GREB1: variants seen among roughly 807,000 people sequenced by gnomAD.
GREB1 encodes protein GREB1.
GREB1 carries 106 observed loss-of-function variants against 200.7 expected under a neutral mutation model. The observed-to-expected ratio is 0.53, with a 90% confidence interval of 0.45 to 0.62. GREB1 has a LOEUF of 0.62. GREB1 is among the 20% of genes least tolerant of loss of function. The pLI is 0.00. For synonymous variants in GREB1, 1,132 were observed against 1,092.4 expected (o/e 1.04, Z -0.72); for missense variants, 2,243 against 2,556.8 (o/e 0.88, Z 2.65).
intron 9 of GREB1, chr2:11,587,436 C>G: frequency 1.9e-6 from 3 of 1,613,874 alleles, no homozygotes; most frequent in Non-Finnish European, 2.5e-6. Flanking sequence ...GAACCTGCAT[C>G]GCCCCGGAGC....
upstream of GREB1, among the ~76,000 whole-genome samples, chr2:11,531,173 A>G (rs975214249): frequency 1.3e-5 from 2 of 152,066 alleles, no homozygotes; most frequent in African/African-American, 4.8e-5. Flanking sequence ...ATTTGCTTCT[A>G]TTTAGCTCCC....
chr2:11,525,904 T>G (rs912892001), intron 1 of GREB1, among the ~76,000 whole-genome samples: 6 of 152,310 alleles, frequency 3.9e-5, no homozygotes, highest in Admixed American at 3.9e-4. Flanking sequence ...GATCCTTTGT[T>G]GTAAAGCTTT....
At chr2:11,636,554 C>T (rs897454216) in intron 30 of GREB1, among the ~76,000 whole-genome samples, 1 of 152,216 alleles carries the variant, frequency 6.6e-6, no homozygotes, top group Non-Finnish European at 1.5e-5. Context: ...AGTACCCAGC[C>T]CAGCAGCTGG....
At chr2:11,518,209 C>T (rs773230237) in intron 1 of GREB1, among the ~76,000 whole-genome samples, 4 of 152,074 alleles carry the variant, frequency 2.6e-5, no homozygotes, top group African/African-American at 4.8e-5. Context: ...AGTTGTTTGA[C>T]GTCAAGGTCA....
intron 1 of GREB1, among the ~76,000 whole-genome samples, chr2:11,519,471 T>TC (rs1187377795): frequency 6.7e-6 from 1 of 149,196 alleles, no homozygotes; most frequent in South Asian, 2.2e-4. Flanking sequence ...TTTTTTTTTT[T>TC]TGAGGCAGAG....
chr2:11,634,105 G>A (rs761622069), intron 28 of GREB1, 26 bp from the exon 29 acceptor site: 2 of 1,604,334 alleles, frequency 1.2e-6, no homozygotes, highest in Admixed American at 1.7e-5. Flanking sequence ...GTCAGCCTAG[G>A]GACTCACTCT....
intron 4 of GREB1, 49 bp downstream of exon 4, chr2:11,566,705 G>T: frequency 6.5e-7 from 1 of 1,542,104 alleles, no homozygotes; most frequent in African/African-American, 1.4e-5. Context: ...ATGGGGTAGA[G>T]CAGGGTCAAG....
intron 9 of GREB1, chr2:11,587,300 C>A: frequency 9.7e-7 from 1 of 1,033,440 alleles, no homozygotes; most frequent in South Asian, 1.3e-5. Flanking sequence ...CCCCCCTTGT[C>A]ACTTCTCTGT....
chr2:11,516,862 G>A (rs1461710360), intron 1 of GREB1, among the ~76,000 whole-genome samples: 1 of 152,246 alleles, frequency 6.6e-6, no homozygotes, highest in African/African-American at 2.4e-5. Flanking sequence ...GGAAGGAGGA[G>A]CAGCTTCTGT....
chr2:11,576,982 C>T (rs1678925315), intron 5 of GREB1, among the ~76,000 whole-genome samples: 1 of 152,060 alleles, frequency 6.6e-6, no homozygotes, highest in African/African-American at 2.4e-5. Context: ...TTGCAGTGAG[C>T]TGAGATGGTG....
intron 24 of GREB1, 139 bp downstream of exon 24, chr2:11,625,451 A>C: frequency 1.3e-6 from 1 of 754,892 alleles, no homozygotes; most frequent in East Asian, 2.5e-5. Context: ...TGAGGTCACC[A>C]CCTCCCTGTA....
intron 32 of GREB1, among the ~76,000 whole-genome samples, chr2:11,639,910 G>C (rs944787803): frequency 1.3e-5 from 2 of 152,100 alleles, no homozygotes; most frequent in African/African-American, 4.8e-5. Flanking sequence ...CCCCAGGCCT[G>C]GATGGGTGGC....
intron 1 of GREB1, among the ~76,000 whole-genome samples, chr2:11,510,648 G>C (rs891291564): frequency 6.7e-6 from 1 of 149,680 alleles, no homozygotes; most frequent in East Asian, 2.0e-4. Context: ...CTGACCCAGT[G>C]TTAGTTTCTT....
chr2:11,515,957 GAA>G (rs1673484432), intron 1 of GREB1, among the ~76,000 whole-genome samples: 1 of 152,212 alleles, frequency 6.6e-6, no homozygotes, highest in Admixed American at 6.5e-5. Flanking sequence ...GCATGCCGCA[GAA>G]ACACAACCAG....
chr2:11,566,573 C>A lies in GREB1; in HGVS notation c.371C>A (p.Ser124Tyr), dbSNP rs758203869. The A allele has an allele frequency of 6.2e-7, 1 of 1,613,966 alleles. No homozygotes were observed. ...GGCTTTCTCCTCGTGGGGGTCAAGTCCCCCAGCCTGCCGGACCATCTCCTG... is the reference window on the plus strand; with the variant it reads ...GGCTTTCTCCTCGTGGGGGTCAAGTACCCCAGCCTGCCGGACCATCTCCTG... The part of the protein sequence containing the change: ...PAGFLLVGVK[S>Y]PSLPDHLLVC... Residue 124 changes from serine to tyrosine, a missense_variant, in exon 4 of 33, where the codon TCC becomes TAC. By Grantham distance (144) the Ser-to-Tyr change is moderately radical. This residue lies in a region of GREB1 where 1,178 missense variants were observed against 1,387.4 expected (regional missense o/e 0.85). Coordinates refer to ENST00000381486, the MANE Select transcript of GREB1 (RefSeq NM_014668.4).
chr2:11,625,306 A>G lies in GREB1; in HGVS notation c.4300A>G (p.Ser1434Gly). The G allele has an allele frequency of 3.1e-6, 5 of 1,614,064 alleles. No individual in the cohort carries two copies. The highest frequency in any genetic ancestry group is 4.2e-6 in the Non-Finnish European group (5 of 1,179,926). ...TTGTTCGCACTATCAGGGTATAAAG[A>G]GTGAAGGTCAGACTTTGAATCTCTC... The part of the protein sequence containing the change: ...LICSHYQGIK[S>G]EDRGMSRKPE... The change falls in exon 24 of 33, where the codon AGT becomes GGT. Residue 1434 changes from serine to glycine, a missense_variant. Around this residue, in one of 3 missense-constraint regions of GREB1, gnomAD observed 587 missense variants for 553.1 expected, o/e 1.06. Transcript: ENST00000381486.
intron 26 of GREB1, 57 bp downstream of exon 26, chr2:11,630,166 C>T: frequency 1.9e-6 from 3 of 1,549,996 alleles, no homozygotes; most frequent in Admixed American, 1.7e-5. Flanking sequence ...GGGGACTGAG[C>T]CGGGGACTAG....
chr2:11,566,019 T>TTTTATATA (rs142992265), intron 3 of GREB1, among the ~76,000 whole-genome samples: 8 of 149,006 alleles, frequency 5.4e-5, no homozygotes, highest in African/African-American at 2.0e-4. Flanking sequence ...ATAACTATGA[T>TTTTATATA]TATATATATA....
intron 11 of GREB1, 87 bp downstream of exon 11, chr2:11,593,213 A>G (rs1369030088): frequency 1.0e-6 from 1 of 975,894 alleles, no homozygotes; most frequent in African/African-American, 1.7e-5. Flanking sequence ...CTTTCTGTCT[A>G]GGGTGGCCCG....
Sources: gnomAD v4.1 joint callset for allele counts (sites outside exome capture counted in the v4.1 genomes callset) on GRCh38, gnomAD v4.1.1 for gene constraint, gnomAD v4.1.1 regional missense constraint, MANE v1.5 for transcripts, NCBI Gene and HGNC (gene_info 2026-07-23, HGNC 2026-07-21) for gene names.